The following DLGAP1 variants were observed in gnomAD, a reference collection of about 807,000 sequenced individuals.
DLGAP1 encodes DLG associated protein 1.
DLGAP1 carries 11 observed loss-of-function variants against 90.8 expected under a neutral mutation model. The ratio of observed to expected loss-of-function variants is 0.12; its 90% CI spans 0.08 to 0.20. DLGAP1 has a LOEUF of 0.20. DLGAP1 is among the 10% of genes least tolerant of loss of function. The pLI is 1.00. For missense variants in DLGAP1, 1,050 were observed against 1,333.8 expected (o/e 0.79, Z 3.31); for synonymous variants, 558 against 540.7 (o/e 1.03, Z -0.44).
At chr18:3,757,786 C>G (rs1433827757) in intron 5 of DLGAP1, among the ~76,000 whole-genome samples, 1 of 152,146 alleles carries the variant, frequency 6.6e-6, no homozygotes, top group Non-Finnish European at 1.5e-5. Context: ...CAGGGAATAT[C>G]ACACTTAATG....
intron 2 of DLGAP1, among the ~76,000 whole-genome samples, chr18:4,063,641 T>C (rs1409707531): frequency 1.3e-5 from 2 of 152,030 alleles, no homozygotes; most frequent in Non-Finnish European, 2.9e-5. Context: ...TTTATACCTA[T>C]AAAAATCTGA....
intron 1 of DLGAP1, among the ~76,000 whole-genome samples, chr18:4,364,090 G>C (rs1315987530): frequency 1.3e-5 from 2 of 151,714 alleles, no homozygotes; most frequent in African/African-American, 4.8e-5. Flanking sequence ...AAAATGATGA[G>C]TTCATGTCCT....
At chr18:4,420,962 T>G (rs965338101) in intron 1 of DLGAP1, among the ~76,000 whole-genome samples, 1 of 152,236 alleles carries the variant, frequency 6.6e-6, no homozygotes, top group Admixed American at 6.5e-5. Flanking sequence ...ATATATCTGA[T>G]GATTCTTGAG....
chr18:4,335,591 A>G (rs1482542594), intron 1 of DLGAP1, among the ~76,000 whole-genome samples: 2 of 149,624 alleles, frequency 1.3e-5, no homozygotes, highest in East Asian at 3.8e-4. Context: ...AAAAGGAAGG[A>G]AACATAAGAC....
intron 7 of DLGAP1, among the ~76,000 whole-genome samples, chr18:3,673,025 C>T (rs2060155797): frequency 6.6e-6 from 1 of 152,194 alleles, no homozygotes; most frequent in Admixed American, 6.5e-5. Flanking sequence ...CTCTAAGACA[C>T]CGATTACTTC....
intron 5 of DLGAP1, among the ~76,000 whole-genome samples, chr18:3,785,524 G>A (rs1444905507): frequency 1.3e-5 from 2 of 152,190 alleles, no homozygotes; most frequent in Non-Finnish European, 2.9e-5. Context: ...CCTAGGGGAG[G>A]GGGACATGGG....
chr18:4,444,434 G>T (rs2083612477), intron 1 of DLGAP1, among the ~76,000 whole-genome samples: 1 of 152,102 alleles, frequency 6.6e-6, no homozygotes, highest in African/African-American at 2.4e-5. Flanking sequence ...TATCAGGCAG[G>T]ACTGGGCTGA....
intron 1 of DLGAP1, among the ~76,000 whole-genome samples, chr18:4,273,886 T>C (rs2079342923): frequency 7.0e-6 from 1 of 143,650 alleles, no homozygotes; most frequent in Non-Finnish European, 1.5e-5. Context: ...TTTTAGTAAT[T>C]TGTCTTCTCT....
chr18:4,449,228 T>G (rs952437075), intron 1 of DLGAP1, among the ~76,000 whole-genome samples: 4 of 152,228 alleles, frequency 2.6e-5, no homozygotes, highest in African/African-American at 9.6e-5. Context: ...TAATTTTGAA[T>G]AAGAAGGAGG....
chr18:3,964,476 A>G (rs2073277220), intron 3 of DLGAP1, among the ~76,000 whole-genome samples: 1 of 152,190 alleles, frequency 6.6e-6, no homozygotes, highest in Admixed American at 6.5e-5. Flanking sequence ...TGGACTGTCC[A>G]CATGTTCAAT....
intron 1 of DLGAP1, among the ~76,000 whole-genome samples, chr18:4,354,759 G>GTA (rs1482856414): frequency 6.6e-6 from 1 of 151,598 alleles, no homozygotes; most frequent in Non-Finnish European, 1.5e-5. Flanking sequence ...ACCCATCCTT[G>GTA]TATATACATG....
intron 3 of DLGAP1, among the ~76,000 whole-genome samples, chr18:3,889,283 C>T (rs2071400734): frequency 6.6e-6 from 1 of 152,044 alleles, no homozygotes; most frequent in African/African-American, 2.4e-5. Context: ...TGAAAAGGAG[C>T]AGTGGAAATA....
chr18:4,350,892 G>C (rs1038058942), intron 1 of DLGAP1, among the ~76,000 whole-genome samples: 1 of 151,966 alleles, frequency 6.6e-6, no homozygotes, highest in African/African-American at 2.4e-5. Context: ...TATTTTACTA[G>C]CTAATGATCT....
At chr18:3,819,078 G>A (rs1313906688) in intron 4 of DLGAP1, among the ~76,000 whole-genome samples, 2 of 151,720 alleles carry the variant, frequency 1.3e-5, no homozygotes, top group African/African-American at 2.4e-5. Context: ...TTGGGAGGCC[G>A]AGACGGGCAG....
In DLGAP1 at chr18:3,653,097, G is replaced by A. The variant is rs1271207850; in HGVS notation, c.1592-70849C>T. ...CCCACTTCTCCTTGATAAGGCCAAT[G>A]TTTTGGCCCTACTGGTGAAAATATG... is the stretch of plus-strand genomic sequence containing the variant. On this transcript the variant is annotated intron_variant, in intron 7 of 12. Coordinates refer to ENST00000315677, the MANE Select transcript of DLGAP1 (RefSeq NM_004746.4). The surrounding 1 kb of genome is among the most constrained non-coding windows in gnomAD (Gnocchi z 4.6). 6.6e-6 allele frequency among the ~76,000 whole-genome samples: 1 copy of A among 152,208 alleles called. No individual in the cohort carries two copies. Among genetic ancestry groups the A allele is most frequent in the African/African-American group, 2.4e-5 (1 of 41,438 alleles).
chr18:3,594,863 T>C (rs1290795576), intron 7 of DLGAP1, among the ~76,000 whole-genome samples: 1 of 152,186 alleles, frequency 6.6e-6, no homozygotes, highest in Non-Finnish European at 1.5e-5. Context: ...TCTGAAGTTG[T>C]ACTTTGAATG....
At chr18:4,412,693 AG>A (rs149407787) in intron 1 of DLGAP1, among the ~76,000 whole-genome samples, 4,419 of 152,354 alleles carry the variant, frequency 0.029, 97 homozygotes, top group South Asian at 0.096. Flanking sequence ...CATGTTGCTA[AG>A]GTGGCTCTCT....
At chr18:3,768,959 TA>T (rs1382190561) in intron 5 of DLGAP1, among the ~76,000 whole-genome samples, 1 of 152,130 alleles carries the variant, frequency 6.6e-6, no homozygotes, top group Non-Finnish European at 1.5e-5. Flanking sequence ...CTCTGTGAAA[TA>T]CCTGATTAAG....
intron 5 of DLGAP1, among the ~76,000 whole-genome samples, chr18:3,767,880 C>T (rs78063832): frequency 6.6e-6 from 1 of 152,096 alleles, no homozygotes; most frequent in Non-Finnish European, 1.5e-5. Context: ...GATTTCCACT[C>T]TTATCATGCT....
Sources: gnomAD v4.1 joint callset for allele counts (sites outside exome capture counted in the v4.1 genomes callset) on GRCh38, gnomAD v4.1.1 for gene constraint, Gnocchi (gnomAD v3.1) non-coding constraint, MANE v1.5 for transcripts, NCBI Gene and HGNC (gene_info 2026-07-23, HGNC 2026-07-21) for gene names.